The following VPS13C variants were observed in gnomAD, a reference collection of about 807,000 sequenced individuals.
VPS13C encodes the protein vacuolar protein sorting 13 homolog C.
A neutral mutation model predicts 456.8 loss-of-function variants in VPS13C; 358 were observed. That is an observed-to-expected ratio of 0.78 (90% confidence interval 0.72 to 0.86). The LOEUF is 0.86. VPS13C is among the 40% of genes least tolerant of loss of function. The pLI is 0.00. For missense variants in VPS13C, 4,818 were observed against 4,385.4 expected, an observed-to-expected ratio of 1.10 and a Z score of -2.79; for synonymous variants, 1,578 against 1,486.7, an observed-to-expected ratio of 1.06 and a Z score of -1.41.
At chr15:61,887,665 TG>T (rs1385186614) in intron 67 of VPS13C, among the ~76,000 whole-genome samples, 1 of 152,122 alleles carries the variant, frequency 6.6e-6, no homozygotes, top group East Asian at 1.9e-4. Context: ...CACTCCAGCC[TG>T]GGCAACAGAG....
At chr15:61,977,624 A>G (rs575898836) in intron 23 of VPS13C, among the ~76,000 whole-genome samples, 1 of 152,158 alleles carries the variant, frequency 6.6e-6, no homozygotes, top group East Asian at 1.9e-4. Context: ...CCAGCTTGGC[A>G]TACAATTCCA....
chr15:61,871,971 GA>G lies in VPS13C; in HGVS notation c.10624+17del, dbSNP rs771897862. 1 of 1,608,428 alleles carries G rather than the reference GA, an allele frequency of 6.2e-7. No individual in the cohort carries two copies. On this transcript the variant is annotated intron_variant, in intron 79 of 84. Transcript: ENST00000644861. ...AAGTCTTCAGACTTTGTAAAGGAAG[GA>G]AATATTTTCAACATACCTTCCACAG...
At chr15:61,964,193 A>G (rs1291667056) in intron 31 of VPS13C, among the ~76,000 whole-genome samples, 1 of 152,094 alleles carries the variant, frequency 6.6e-6, no homozygotes. Context: ...ATAAATAAGG[A>G]CACTGAACCT....
chr15:61,949,401 A>G, intron 42 of VPS13C, 42 bp downstream of exon 42: 1 of 1,584,910 alleles, frequency 6.3e-7, no homozygotes, highest in South Asian at 1.2e-5. Context: ...TATGATTATT[A>G]AAGTTCAAAG....
chr15:62,024,467 C>A (rs981709390), intron 6 of VPS13C, among the ~76,000 whole-genome samples: 5 of 152,032 alleles, frequency 3.3e-5, no homozygotes, highest in African/African-American at 9.7e-5. Flanking sequence ...TTTACCAATA[C>A]CTGTCTTACT....
rs1019136214 is a variant in VPS13C, at chr15:61,929,898, T to C, written c.6039-150A>G. 13 of 790,212 alleles carry C rather than the reference T, an allele frequency of 1.6e-5. No individual in the cohort carries two copies. The African/African-American group carries it at 1.9e-4, about 12-fold the overall frequency. 49.0% of individuals were successfully genotyped at this position (790,212 alleles called of 1,614,324 possible). On this transcript the variant is annotated intron_variant, in intron 50 of 84. Coordinates refer to ENST00000644861, the MANE Select transcript of VPS13C (RefSeq NM_020821.3). ...TCAACATTAACTAGAATCTAATTTA[T>C]CCATTAGTAAACAAGACTACTAATC...
At chr15:61,901,556 A>T (rs1474005762) in intron 66 of VPS13C, among the ~76,000 whole-genome samples, 1 of 152,228 alleles carries the variant, frequency 6.6e-6, no homozygotes, top group Non-Finnish European at 1.5e-5. Flanking sequence ...ACAAAACCCC[A>T]ATGAGATACC....
rs190641077 is a variant in VPS13C, at chr15:61,854,020, C to T, written c.*437G>A. The T allele has an allele frequency of 7.3e-4, 114 of 155,214 alleles. 1 individual carries two copies. Among genetic ancestry groups the T allele is most frequent in the East Asian group, 5.2e-4 (3 of 5,732 alleles). 9.6% of individuals were successfully genotyped at this position (155,214 alleles called of 1,614,324 possible). A position where few individuals can be genotyped will look rare whatever the true frequency, so the allele number is the denominator to read the frequency against. ...TCGCACCACTGCATTCCAGCCTGGG[C>T]GACAGAGCAAGACTCGGTCTCAAAA... On this transcript the variant is annotated 3_prime_UTR_variant, in exon 85 of 85. Coordinates refer to ENST00000644861, the MANE Select transcript of VPS13C (RefSeq NM_020821.3).
intron 83 of VPS13C, among the ~76,000 whole-genome samples, chr15:61,855,690 T>C (rs956508947): frequency 5.9e-5 from 9 of 152,132 alleles, no homozygotes; most frequent in African/African-American, 2.2e-4. Flanking sequence ...GGAAAACAAA[T>C]GCACTAAAGA....
At chr15:61,884,069 TACTA>T in intron 68 of VPS13C, 55 bp downstream of exon 68, 1 of 1,495,100 alleles carries the variant, frequency 6.7e-7, no homozygotes, top group Non-Finnish European at 8.9e-7. Context: ...CAATTTTACT[TACTA>T]CCACCACCAA....
intron 81 of VPS13C, chr15:61,866,542 T>C: frequency 3.0e-6 from 3 of 985,096 alleles, no homozygotes; most frequent in Non-Finnish European, 3.6e-6. Context: ...GAAGGGTAAC[T>C]ATTGGAGATG....
At chr15:61,869,116 C>CT (rs68084709) in intron 80 of VPS13C, among the ~76,000 whole-genome samples, 14,555 of 130,662 alleles carry the variant, frequency 0.11, 937 homozygotes, top group South Asian at 0.18. Flanking sequence ...TTTCTTTTTT[C>CT]TTTTTTTTTT....
Position 61,921,915 on chromosome 15 carries a change from T to A in VPS13C, c.7062+32A>T, listed in dbSNP as rs767966473. ...CTATGAATGAATATGCATAGTATCA[T>A]TCTATCCAAAGATATTTTAAGATTT... On this transcript the variant is annotated intron_variant, in intron 55 of 84. Coordinates refer to ENST00000644861, the MANE Select transcript of VPS13C (RefSeq NM_020821.3). 1.0e-5 allele frequency: 16 copies of A among 1,592,684 alleles called. No homozygotes were observed. The Middle Eastern group carries it at 1.3e-3, about 132-fold the overall frequency.
chr15:61,880,604 CA>C lies in VPS13C; in HGVS notation c.10002+4del. 6.5e-7 allele frequency: 1 copy of C among 1,541,750 alleles called. No individual in the cohort carries two copies. Among genetic ancestry groups the C allele is most frequent in the Non-Finnish European group, 8.8e-7 (1 of 1,138,766 alleles). On this transcript the variant is annotated splice_donor_region_variant and intron_variant, in intron 73 of 84. Transcript: ENST00000644861. ...TAAATTTTCAAAATAATAATTACAA[CA>C]AACCTTCACAGGAGAAATATGGAAA...
At chr15:61,939,115 T>C (rs1002310799) in intron 47 of VPS13C, among the ~76,000 whole-genome samples, 1 of 152,226 alleles carries the variant, frequency 6.6e-6, no homozygotes, top group Non-Finnish European at 1.5e-5. Flanking sequence ...ATTTTATCCA[T>C]GTTCTGCTAC....
intron 37 of VPS13C, among the ~76,000 whole-genome samples, chr15:61,957,843 A>C (rs1436087048): frequency 6.6e-6 from 1 of 152,140 alleles, no homozygotes; most frequent in African/African-American, 2.4e-5. Flanking sequence ...ATGATGCTTC[A>C]ATAGAATTTA....
intron 60 of VPS13C, among the ~76,000 whole-genome samples, chr15:61,916,784 TA>T (rs1314670989): frequency 5.9e-5 from 9 of 152,162 alleles, no homozygotes; most frequent in East Asian, 1.9e-4. Context: ...AGACAGTAAT[TA>T]TTTTTTTTAT....
rs571401808 is a variant in VPS13C at position 61,966,480 on chromosome 15, A to G, written c.2992-338T>C. On this transcript the variant is annotated intron_variant, in intron 29 of 84. Coordinates refer to ENST00000644861, the MANE Select transcript of VPS13C (RefSeq NM_020821.3). ...CCTCCATAAAGTCGTCAGCAAGTCT[A>G]CATTTTTTTATATCTCCAGTAAAAG... Among the ~76,000 whole-genome samples the G allele has an allele frequency of 2.6e-4, 40 of 151,958 alleles. No homozygotes were observed. In the South Asian group the frequency reaches 7.1e-3, roughly 27 times the overall value.
At chr15:61,924,681 T>C (rs930457168) in intron 53 of VPS13C, among the ~76,000 whole-genome samples, 1 of 152,174 alleles carries the variant, frequency 6.6e-6, no homozygotes, top group African/African-American at 2.4e-5. Context: ...ATCCAGTATT[T>C]TAAAATATTG....
Sources: allele counts gnomAD v4.1 joint callset (sites outside exome capture counted in the v4.1 genomes callset), GRCh38; gene constraint gnomAD v4.1.1; transcripts MANE v1.5; gene names NCBI Gene and HGNC (gene_info 2026-07-23, HGNC 2026-07-21).